Variants in CMC2 observed in about 807,000 individuals in gnomAD.
CMC2 encodes the protein C-X9-C motif containing 2.
CMC2 carries 5 observed loss-of-function variants against 7.5 expected under a neutral mutation model. That is an observed-to-expected ratio of 0.66 (90% confidence interval 0.35 to 1.40). The LOEUF (loss-of-function observed/expected upper bound fraction) is 1.40. Among genes scored for constraint, CMC2 ranks in the 40% most tolerant of loss-of-function variants. The probability of loss-of-function intolerance (pLI) is 0.04; values close to 1 mark genes in which losing one functional copy is unlikely to be tolerated. For synonymous variants in CMC2, 37 were observed against 31.4 expected (o/e 1.18, Z -0.60); for missense variants, 115 against 92.3 (o/e 1.25, Z -1.01).
chr16:80,995,123 G>A (rs989113710), intron 2 of CMC2, among the ~76,000 whole-genome samples: 27 of 152,146 alleles, frequency 1.8e-4, no homozygotes, highest in African/African-American at 6.3e-4. Flanking sequence ...TCCAGCCTGG[G>A]TGACAGAGCG....
At chr16:80,982,567 C>T (rs1353022500) in intron 2 of CMC2, 2 of 137,078 alleles carry the variant, frequency 1.5e-5, no homozygotes, top group African/African-American at 5.4e-5. Flanking sequence ...TTGTCATTTA[C>T]TACCATAAAA....
rs1021996305 is a variant in CMC2 at position 81,006,801 on chromosome 16, G to C, written c.-103C>G. 1.0e-6 allele frequency: 1 copy of C among 985,494 alleles called. No homozygotes were observed. The highest frequency in any genetic ancestry group is 1.7e-5 in the African/African-American group (1 of 57,224). The allele number at this position is 985,494 out of a possible 1,614,324, so 61.0% of individuals were successfully genotyped here. A position where few individuals can be genotyped will look rare whatever the true frequency, so the allele number is the denominator to read the frequency against. On this transcript the variant is annotated 5_prime_UTR_variant, in exon 1 of 4. Coordinates refer to ENST00000219400, the MANE Select transcript of CMC2 (RefSeq NM_020188.5). ...GGCGGAGACGCCCGACCCGAAGGCC[G>C]GCTGCTAGGGAGCAGACAGCTGAAC... is the stretch of plus-strand genomic sequence containing the variant.
Position 80,968,201 on chromosome 16 carries a change from G to T in CMC2, c.*7892C>A. 6.6e-6 allele frequency: 1 copy of T among 151,800 alleles called. No homozygotes were observed. Among genetic ancestry groups the T allele is most frequent in the South Asian group, 2.1e-4 (1 of 4,810 alleles). 9.4% of individuals were successfully genotyped at this position (151,800 alleles called of 1,614,324 possible). ...TAAAATGCAGATTCTCAGTTAGTAG[G>T]TCAGGGTGGGGTCTAAAACTCTCCA... On this transcript the variant is annotated 3_prime_UTR_variant, in exon 4 of 4. Coordinates refer to ENST00000219400, the MANE Select transcript of CMC2 (RefSeq NM_020188.5).
rs1255602694 is a variant in CMC2, at chr16:80,971,084, G to A, written c.*5009C>T. On this transcript the variant is annotated 3_prime_UTR_variant, in exon 4 of 4. Transcript: ENST00000219400. ...CAGGAGGTGGAAGTTGCAGCGAGCTGAGATCATACCACTGCACTCCAGCCT... is the reference window on the plus strand; with the variant it reads ...CAGGAGGTGGAAGTTGCAGCGAGCTAAGATCATACCACTGCACTCCAGCCT... 1 of 152,118 alleles carries A rather than the reference G, an allele frequency of 6.6e-6. No individual in the cohort carries two copies. Among genetic ancestry groups the A allele is most frequent in the East Asian group, 1.9e-4 (1 of 5,182 alleles). 9.4% of individuals were successfully genotyped at this position (152,118 alleles called of 1,614,324 possible). A position where few individuals can be genotyped will look rare whatever the true frequency, so the allele number is the denominator to read the frequency against.
chr16:80,991,152 G>A (rs1331250917), intron 2 of CMC2, among the ~76,000 whole-genome samples: 1 of 151,808 alleles, frequency 6.6e-6, no homozygotes, highest in Non-Finnish European at 1.5e-5. Context: ...AAATATACAT[G>A]AGTCCATACT....
intron 2 of CMC2, chr16:80,983,761 C>G (rs1444211194): frequency 6.6e-6 from 1 of 152,230 alleles, no homozygotes; most frequent in African/African-American, 2.4e-5. Flanking sequence ...GTGGGCGGAT[C>G]ACCTCAGGTC....
chr16:80,979,043 T>C (rs1315503820), intron 3 of CMC2, among the ~76,000 whole-genome samples: 5 of 151,286 alleles, frequency 3.3e-5, no homozygotes, highest in Admixed American at 3.3e-4. Flanking sequence ...ATTGCGCCAC[T>C]GCACTCCAGC....
chr16:80,989,243 T>C (rs530462530), intron 2 of CMC2, among the ~76,000 whole-genome samples: 1 of 152,338 alleles, frequency 6.6e-6, no homozygotes, highest in African/African-American at 2.4e-5. Flanking sequence ...ACTAAATCAA[T>C]TACTACTACA....
intron 1 of CMC2, among the ~76,000 whole-genome samples, chr16:81,000,098 C>T (rs1230583550): frequency 1.3e-5 from 2 of 152,196 alleles, no homozygotes; most frequent in African/African-American, 4.8e-5. Context: ...AGACAACCTA[C>T]AGAATAGGAC....
chr16:80,978,111 G>C, intron 3 of CMC2: 1 of 209,832 alleles, frequency 4.8e-6, no homozygotes, highest in Non-Finnish European at 8.3e-6. Flanking sequence ...GAAGCACCAG[G>C]TCCCTTCAAA....
intron 2 of CMC2, chr16:80,988,598 T>TA (rs34522854): frequency 8.6e-6 from 6 of 701,046 alleles, no homozygotes; most frequent in East Asian, 2.7e-5. Flanking sequence ...GCACGTTTCC[T>TA]AAAAAAAACA....
chr16:80,990,387 C>T (rs1232953357), intron 2 of CMC2, among the ~76,000 whole-genome samples: 1 of 152,136 alleles, frequency 6.6e-6, no homozygotes, highest in African/African-American at 2.4e-5. Context: ...CCAGGCTGGT[C>T]TCAAACTCCT....
At chr16:80,977,506 C>G (rs1471087458) in intron 3 of CMC2, among the ~76,000 whole-genome samples, 5 of 152,092 alleles carry the variant, frequency 3.3e-5, no homozygotes, top group African/African-American at 4.8e-5. Context: ...ACATCAGAAT[C>G]TTTTAGGAGC....
chr16:80,979,515 G>C (rs1171685318), intron 3 of CMC2, among the ~76,000 whole-genome samples: 1 of 151,830 alleles, frequency 6.6e-6, no homozygotes, highest in East Asian at 1.9e-4. Context: ...AAAAACCTAT[G>C]TTATACAGCT....
Position 80,972,969 on chromosome 16 carries a change from C to A in CMC2, c.*3124G>T. 1 of 152,678 alleles carries A rather than the reference C, an allele frequency of 6.5e-6. No individual in the cohort carries two copies. The highest frequency in any genetic ancestry group is 1.5e-5 in the Non-Finnish European group (1 of 68,258). 9.5% of individuals were successfully genotyped at this position (152,678 alleles called of 1,614,324 possible). A position where few individuals can be genotyped will look rare whatever the true frequency, so the allele number is the denominator to read the frequency against. ...ATGGAACCTCTGCACCTCCCAACCC[C>A]ACTCTCCCTCCAGCTTCTTCGGCTT... On this transcript the variant is annotated 3_prime_UTR_variant, in exon 4 of 4. Transcript: ENST00000219400.
chr16:80,984,603 T>C (rs776163209), intron 2 of CMC2, among the ~76,000 whole-genome samples: 33 of 152,252 alleles, frequency 2.2e-4, no homozygotes, highest in Non-Finnish European at 4.0e-4. Flanking sequence ...CTTTCCTCTA[T>C]CATTCCCAAA....
At chr16:80,977,068 A>C (rs1912471160) in intron 3 of CMC2, among the ~76,000 whole-genome samples, 1 of 152,210 alleles carries the variant, frequency 6.6e-6, no homozygotes, top group Admixed American at 6.5e-5. Context: ...AGACATTATC[A>C]AGAGTAACTA....
intron 2 of CMC2, 120 bp downstream of exon 2, chr16:80,997,194 A>ATT (rs1968494487): frequency 1.2e-5 from 8 of 683,282 alleles, no homozygotes; most frequent in Non-Finnish European, 2.1e-5. Flanking sequence ...AATCTTGACT[A>ATT]AACTCAGACT....
rs185757948 is a variant in CMC2 at position 80,980,775 on chromosome 16, G to T, written c.153+1031C>A. 7.2e-6 allele frequency: 5 copies of T among 693,220 alleles called. No homozygotes were observed. The East Asian group carries it at 1.4e-4, about 19-fold the overall frequency. 42.9% of individuals were successfully genotyped at this position (693,220 alleles called of 1,614,324 possible). On this transcript the variant is annotated intron_variant, in intron 3 of 3. Transcript: ENST00000219400. ...CCAGGCATGGTGGTACGCACCTGTC[G>T]TCCTAGCTACTCAGGAGGCTGAGGT...
Sources: allele counts gnomAD v4.1 joint callset (sites outside exome capture counted in the v4.1 genomes callset), GRCh38; gene constraint gnomAD v4.1.1; transcripts MANE v1.5; gene names NCBI Gene and HGNC (gene_info 2026-07-23, HGNC 2026-07-21).